BEST3: variants seen among roughly 807,000 people sequenced by gnomAD.
The protein encoded by BEST3 is bestrophin-3.
In BEST3, 50 loss-of-function variants were observed where a neutral mutation model predicts 47.1. The ratio of observed to expected loss-of-function variants is 1.06; its 90% CI spans 0.85 to 1.34. BEST3 has a LOEUF of 1.34. BEST3 is among the 40% of genes most tolerant of loss of function. The pLI is 0.00. For missense variants in BEST3, 765 were observed against 817.0 expected, an observed-to-expected ratio of 0.94 and a Z score of 0.78; for synonymous variants, 282 against 298.8, an observed-to-expected ratio of 0.94 and a Z score of 0.58.
chr12:69,666,690 T>C (rs781201904), intron 9 of BEST3, among the ~76,000 whole-genome samples: 74 of 152,198 alleles, frequency 4.9e-4, no homozygotes, highest in Non-Finnish European at 2.1e-4. Context: ...TACGTACTGA[T>C]ACCAGTAAAA....
intron 4 of BEST3, among the ~76,000 whole-genome samples, chr12:69,679,290 C>G (rs1885102170): frequency 6.6e-6 from 1 of 152,226 alleles, no homozygotes; most frequent in African/African-American, 2.4e-5. Context: ...ATATAAAGCA[C>G]TTGGCATAGT....
chr12:69,666,052 C>G (rs1213551412), intron 9 of BEST3, among the ~76,000 whole-genome samples: 2 of 152,134 alleles, frequency 1.3e-5, no homozygotes, highest in East Asian at 3.9e-4. Flanking sequence ...CAAGGTCTCG[C>G]TCTGTCACCC....
chr12:69,668,384 T>A (rs566480538), intron 9 of BEST3, among the ~76,000 whole-genome samples: 1 of 152,346 alleles, frequency 6.6e-6, no homozygotes, highest in Admixed American at 6.5e-5. Flanking sequence ...TAAAATGTAA[T>A]GCTTGTGTCT....
chr12:69,655,349 G>C lies in BEST3; in HGVS notation c.1565C>G (p.Ser522Cys). Residue 522 changes from serine to cysteine, a missense_variant, in exon 10 of 10, where the codon TCC (serine) becomes TGC (cysteine). Coordinates refer to ENST00000330891, the MANE Select transcript of BEST3 (RefSeq NM_032735.3). ...VPTSGGYHHDSATSILSSEFT... is the reference protein window; with the variant it reads ...VPTSGGYHHDCATSILSSEFT... ...CTCAGAGCTCAAGATGGAGGTAGCG[G>C]AATCATGGTGGTAGCCCCCTGATGT... The C allele has an allele frequency of 6.2e-7, 1 of 1,614,168 alleles. No homozygotes were observed. Among genetic ancestry groups the C allele is most frequent in the Non-Finnish European group, 8.5e-7 (1 of 1,180,016 alleles).
intron 4 of BEST3, among the ~76,000 whole-genome samples, chr12:69,685,560 A>C (rs1885529959): frequency 6.6e-6 from 1 of 152,162 alleles, no homozygotes; most frequent in Non-Finnish European, 1.5e-5. Context: ...AGGCGTCAGA[A>C]TTTTTAAAAG....
At chr12:69,647,724 A>T (rs1175733493) in intron 9 of BEST3, among the ~76,000 whole-genome samples, 1 of 152,242 alleles carries the variant, frequency 6.6e-6, no homozygotes, top group Non-Finnish European at 1.5e-5. Flanking sequence ...ACAAAACTTC[A>T]AAAGCATAAA....
At chr12:69,694,825 TATTG>T (rs1390310855) in intron 2 of BEST3, among the ~76,000 whole-genome samples, 14 of 152,182 alleles carry the variant, frequency 9.2e-5, no homozygotes, top group African/African-American at 3.1e-4. Flanking sequence ...AAGAGTGTAT[TATTG>T]ATTAAGTATG....
At chr12:69,690,542 T>C (rs1469368519) in intron 4 of BEST3, among the ~76,000 whole-genome samples, 1 of 152,224 alleles carries the variant, frequency 6.6e-6, no homozygotes, top group Non-Finnish European at 1.5e-5. Context: ...GGCTTCTTCC[T>C]GGTGTGCTTT....
chr12:69,656,255 G>C (rs1883485476), intron 9 of BEST3, among the ~76,000 whole-genome samples: 1 of 152,072 alleles, frequency 6.6e-6, no homozygotes, highest in African/African-American at 2.4e-5. Context: ...TGACCTTCAG[G>C]ACTCTCTGGA....
intron 4 of BEST3, among the ~76,000 whole-genome samples, chr12:69,686,186 A>G (rs917331750): frequency 4.4e-5 from 3 of 68,516 alleles, no homozygotes; most frequent in Admixed American, 2.4e-4. Context: ...ATGGATCAGG[A>G]AAAAAAAAAA....
intron 4 of BEST3, among the ~76,000 whole-genome samples, chr12:69,689,749 A>G (rs1021131437): frequency 2.6e-5 from 4 of 152,186 alleles, no homozygotes; most frequent in African/African-American, 9.7e-5. Context: ...AGTTTAAGTC[A>G]GAACAATGCT....
chr12:69,690,260 A>G (rs1885864526), intron 4 of BEST3, among the ~76,000 whole-genome samples: 1 of 152,240 alleles, frequency 6.6e-6, no homozygotes, highest in Non-Finnish European at 1.5e-5. Flanking sequence ...GAATGGCAGA[A>G]ACATTGGTAG....
intron 7 of BEST3, among the ~76,000 whole-genome samples, chr12:69,676,001 T>G (rs1884893274): frequency 6.6e-6 from 1 of 152,242 alleles, no homozygotes; most frequent in Admixed American, 6.5e-5. Flanking sequence ...TCATTGATTT[T>G]TTTTCTATCA....
At chr12:69,684,390 C>T in intron 4 of BEST3, 2 of 437,860 alleles carry the variant, frequency 4.6e-6, no homozygotes, top group Non-Finnish European at 8.3e-6. Flanking sequence ...TTTTATTGCC[C>T]TCGAGCCAAA....
intron 1 of BEST3, among the ~76,000 whole-genome samples, chr12:69,698,081 C>A (rs75432565): frequency 2.0e-5 from 3 of 152,082 alleles, no homozygotes. Flanking sequence ...ATTATATAGC[C>A]ATTGGCCAAT....
Position 69,653,864 on chromosome 12 carries a change from C to A in BEST3, c.*1043G>T. 6 of 985,402 alleles carry A rather than the reference C, an allele frequency of 6.1e-6. No individual in the cohort carries two copies. Among genetic ancestry groups the A allele is most frequent in the Non-Finnish European group, 7.2e-6 (6 of 829,932 alleles). The allele number at this position is 985,402 out of a possible 1,614,324, so 61.0% of individuals were successfully genotyped here. On this transcript the variant is annotated 3_prime_UTR_variant, in exon 10 of 10. Coordinates refer to ENST00000330891, the MANE Select transcript of BEST3 (RefSeq NM_032735.3). ...AGACACAGTAACTGGTCCCGTGTTG[C>A]GACACGATTAGGATTTTTGCATAAG...
rs1418246177 is a variant in BEST3 at position 69,654,486 on chromosome 12, A to G, written c.*421T>C. The stretch of plus-strand genomic sequence containing the variant: ...TGATCCATCTCCTTTCTTTATGGCT[A>G]AAGAAAAAAAGAAAGAGAAAAAAGA... On this transcript the variant is annotated 3_prime_UTR_variant, in exon 10 of 10. Coordinates refer to ENST00000330891, the MANE Select transcript of BEST3 (RefSeq NM_032735.3). The G allele has an allele frequency of 1.0e-6, 1 of 988,592 alleles. No individual in the cohort carries two copies. The highest frequency in any genetic ancestry group is 1.2e-6 in the Non-Finnish European group (1 of 832,108). The allele number at this position is 988,592 out of a possible 1,614,324, so 61.2% of individuals were successfully genotyped here.
chr12:69,655,730 A>T lies in BEST3; in HGVS notation c.1184T>A (p.Val395Asp). 1 of 1,612,388 alleles carries T rather than the reference A, an allele frequency of 6.2e-7. No homozygotes were observed. The highest frequency in any genetic ancestry group is 8.5e-7 in the Non-Finnish European group (1 of 1,179,572). ...HGHRHSMIRRVKRFLSAHEHP... is the reference protein window; with the variant it reads ...HGHRHSMIRRDKRFLSAHEHP... ...TTCGTGGGCACTCAGGAACCGCTTG[A>T]CTCTTCTTATCATGGAATGCCGATG... Residue 395 changes from valine (V) to aspartate (D), a missense_variant, in exon 10 of 10, where the codon GTC becomes GAC. Physicochemically the swap from Val to Asp is radical, Grantham distance 152. Coordinates refer to ENST00000330891, the MANE Select transcript of BEST3 (RefSeq NM_032735.3).
chr12:69,697,552 T>C, intron 2 of BEST3, 95 bp downstream of exon 2: 5 of 1,028,370 alleles, frequency 4.9e-6, no homozygotes, highest in Non-Finnish European at 6.9e-6. Flanking sequence ...AGTTCCATAA[T>C]GCGAAGTCAG....
Sources: gnomAD v4.1 joint callset for allele counts (sites outside exome capture counted in the v4.1 genomes callset) on GRCh38, gnomAD v4.1.1 for gene constraint, MANE v1.5 for transcripts, NCBI Gene and HGNC (gene_info 2026-07-23, HGNC 2026-07-21) for gene names.